PHC3: variants seen among roughly 807,000 people sequenced by gnomAD.
The protein encoded by PHC3 is polyhomeotic homolog 3.
In PHC3, 13 loss-of-function variants were observed where a neutral mutation model predicts 107.4. That is an observed-to-expected ratio of 0.12 (90% CI 0.08 to 0.19). The LOEUF (loss-of-function observed/expected upper bound fraction) is 0.19, where lower values mean the gene tolerates loss of function less well. PHC3 is among the 10% of genes least tolerant of loss of function. The pLI is 1.00. For synonymous variants in PHC3, 456 were observed against 427.4 expected (o/e 1.07, Z -0.83); for missense variants, 992 against 1,210.9 (o/e 0.82, Z 2.68).
rs550337706 is a variant in PHC3 at position 170,128,937 on chromosome 3, G to A, written c.1535C>T (p.Ala512Val). The A allele has an allele frequency of 2.9e-5, 47 of 1,614,012 alleles. No individual in the cohort carries two copies. The South Asian group carries it at 4.7e-4, about 16-fold the overall frequency. ...AGATGTCGACATCTGTGGAGGACTTGCAATTGGGATTGGAGAGGACTGCAG... is the reference window on the plus strand; with the variant it reads ...AGATGTCGACATCTGTGGAGGACTTACAATTGGGATTGGAGAGGACTGCAG... ...SSLQSSPIPI[A>V]SPPQMSTSPP... Residue 512 changes from alanine (A) to valine (V), a missense_variant, in exon 8 of 15, where the codon GCA becomes GTA. Transcript: ENST00000495893.
rs1714411780 is a variant in PHC3, at chr3:170,094,280, T to C, written c.*2950A>G. On this transcript the variant is annotated 3_prime_UTR_variant, in exon 15 of 15. Transcript: ENST00000495893. ...AATATTAATGTCATATAAAAAATAA[T>C]TTTTACAAATCAGCTCTCTTAGTTG... 1 of 152,204 alleles carries C rather than the reference T, an allele frequency of 6.6e-6. No homozygotes were observed. The highest frequency in any genetic ancestry group is 1.5e-5 in the Non-Finnish European group (1 of 68,026). 9.4% of individuals were successfully genotyped at this position (152,204 alleles called of 1,614,324 possible).
Position 170,106,834 on chromosome 3 carries a change from T to G in PHC3, c.2466A>C (p.Lys822Asn). The G allele has an allele frequency of 6.2e-7, 1 of 1,603,046 alleles. No homozygotes were observed. The highest frequency in any genetic ancestry group is 8.5e-7 in the Non-Finnish European group (1 of 1,176,128). ...GAAATTCAAGAGCACAGAAATACCT[T>G]TTGGCACATGACATAGTGCAGAATC... is the stretch of plus-strand genomic sequence containing the variant. ...SKRFCTMSCA[K>N]RYNVSCSKKF... is the part of the protein sequence containing the mutation. The change falls in exon 12 of 15, where the codon AAA becomes AAC. Residue 822 changes from lysine to asparagine, a missense_variant and splice_region_variant. Lys to Asn is a moderately conservative substitution (Grantham distance 94, BLOSUM62 0). Transcript: ENST00000495893.
chr3:170,158,564 C>T (rs1727278092), intron 4 of PHC3, among the ~76,000 whole-genome samples: 1 of 151,784 alleles, frequency 6.6e-6, no homozygotes, highest in African/African-American at 2.4e-5. Flanking sequence ...GACCACACCA[C>T]TGCACTCAAG....
At chr3:170,122,202 T>C (rs1021580095) in intron 9 of PHC3, among the ~76,000 whole-genome samples, 3 of 152,216 alleles carry the variant, frequency 2.0e-5, no homozygotes, top group Non-Finnish European at 4.4e-5. Flanking sequence ...TGAGCTATGA[T>C]TGAGCCTGGA....
intron 10 of PHC3, among the ~76,000 whole-genome samples, chr3:170,114,979 C>G (rs942778560): frequency 2.0e-5 from 3 of 152,128 alleles, no homozygotes; most frequent in Non-Finnish European, 4.4e-5. Flanking sequence ...ACATTCAATG[C>G]TAAGGGCATA....
In PHC3 at chr3:170,097,351, T is replaced by C. The variant is rs1560014056; in HGVS notation, c.2867A>G (p.Gln956Arg). ...GAGAAGGGCCTGTCCATCAATCTCC[T>C]GTGCTCTGAATTCATCTGCGATATC... ...CQDIADEFRA[Q>R]EIDGQALLLL... The change falls in exon 15 of 15, where the codon CAG becomes CGG. Residue 956 changes from glutamine (Q) to arginine (R), a missense_variant. Transcript: ENST00000495893. This position sits in a 1 kb window ranked among gnomAD's most constrained non-coding sequence, Gnocchi z 4.1. The C allele has an allele frequency of 6.2e-7, 1 of 1,613,464 alleles. No individual in the cohort carries two copies. The highest frequency in any genetic ancestry group is 1.7e-5 in the Admixed American group (1 of 59,986).
At chr3:170,151,089 T>C (rs888926763) in intron 4 of PHC3, among the ~76,000 whole-genome samples, 1 of 151,850 alleles carries the variant, frequency 6.6e-6, no homozygotes, top group Non-Finnish European at 1.5e-5. Context: ...CACGCGCCTG[T>C]AATCCCAGCT....
chr3:170,163,861 CAAAAAAAA>C (rs200514068), intron 4 of PHC3, among the ~76,000 whole-genome samples: 5 of 85,102 alleles, frequency 5.9e-5, no homozygotes, highest in African/African-American at 2.4e-4. Flanking sequence ...AGACTCTGTC[CAAAAAAAA>C]AAAAAAAAAA....
At chr3:170,101,277 A>G (rs954929238) in intron 14 of PHC3, among the ~76,000 whole-genome samples, 1 of 152,214 alleles carries the variant, frequency 6.6e-6, no homozygotes, top group African/African-American at 2.4e-5. Flanking sequence ...TAGCATTTCT[A>G]AAACAAGCTA....
At position 170,090,916 on chromosome 3, in the gene PHC3, C is replaced by T. The variant is rs1307426128; in HGVS notation, c.*6314G>A. 6.6e-6 allele frequency: 1 copy of T among 151,994 alleles called. No homozygotes were observed. Among genetic ancestry groups the T allele is most frequent in the African/African-American group, 2.4e-5 (1 of 41,360 alleles). 9.4% of individuals were successfully genotyped at this position (151,994 alleles called of 1,614,324 possible). On this transcript the variant is annotated 3_prime_UTR_variant, in exon 15 of 15. Coordinates refer to ENST00000495893, the MANE Select transcript of PHC3 (RefSeq NM_024947.4). ...ATTATTTACTGATTATTTAATACTA[C>T]CCAAAACAAAAAATACTTTTAAGAG...
chr3:170,146,488 A>AT (rs1724971271), intron 5 of PHC3, among the ~76,000 whole-genome samples: 2 of 150,728 alleles, frequency 1.3e-5, no homozygotes, highest in East Asian at 3.9e-4. Flanking sequence ...AAACAAAGAC[A>AT]TTTAATTTTT....
chr3:170,175,610 C>G (rs6765667), intron 2 of PHC3, among the ~76,000 whole-genome samples: 65,855 of 145,190 alleles, frequency 0.45, 14,903 homozygotes, highest in East Asian at 0.7. Context: ...CTAGGCAACA[C>G]AGAGGGAGAG....
intron 6 of PHC3, among the ~76,000 whole-genome samples, chr3:170,137,349 A>G (rs1254580712): frequency 2.6e-5 from 4 of 152,186 alleles, no homozygotes; most frequent in African/African-American, 9.7e-5. Flanking sequence ...ACATACTGCC[A>G]GTCTGGATGG....
At chr3:170,165,981 TAA>T (rs534346356) in intron 4 of PHC3, among the ~76,000 whole-genome samples, 11 of 108,526 alleles carry the variant, frequency 1.0e-4, no homozygotes, top group South Asian at 3.0e-4. Context: ...TAAAAGAAAT[TAA>T]AAAAAAAAAA....
intron 2 of PHC3, chr3:170,177,031 A>G: frequency 3.0e-6 from 1 of 329,138 alleles, no homozygotes; most frequent in Non-Finnish European, 6.2e-6. Flanking sequence ...CATAAATGTT[A>G]ACTAAGTAAA....
Position 170,091,857 on chromosome 3 carries a change from T to TAA in PHC3, c.*5371_*5372dup, listed in dbSNP as rs550689628. The TAA allele has an allele frequency of 6.6e-6, 1 of 152,216 alleles. No homozygotes were observed. Among genetic ancestry groups the TAA allele is most frequent in the East Asian group, 1.9e-4 (1 of 5,198 alleles). The allele number at this position is 152,216 out of a possible 1,614,324, so 9.4% of individuals were successfully genotyped here. The stretch of plus-strand genomic sequence containing the variant: ...TAATATGTAAAACTTTGAAAATTCT[T>TAA]AAAAATTTAGGAAATTCTTTTTCCA... On this transcript the variant is annotated 3_prime_UTR_variant, in exon 15 of 15. Coordinates refer to ENST00000495893, the MANE Select transcript of PHC3 (RefSeq NM_024947.4).
intron 9 of PHC3, among the ~76,000 whole-genome samples, chr3:170,121,357 A>G (rs1281752732): frequency 6.6e-6 from 1 of 152,200 alleles, no homozygotes; most frequent in Non-Finnish European, 1.5e-5. Flanking sequence ...AACAGTGAGC[A>G]GTGTGCCAAC....
chr3:170,111,622 G>A (rs1265389482), intron 11 of PHC3, among the ~76,000 whole-genome samples: 1 of 152,146 alleles, frequency 6.6e-6, no homozygotes, highest in East Asian at 1.9e-4. Flanking sequence ...AATTTTTCAA[G>A]GTTAACATTC....
At chr3:170,112,030 TG>T (rs1333496328) in intron 11 of PHC3, among the ~76,000 whole-genome samples, 1 of 152,312 alleles carries the variant, frequency 6.6e-6, no homozygotes, top group Admixed American at 6.5e-5. Context: ...CTCTATCACC[TG>T]AAGGGCCATG....
Sources: gnomAD v4.1 joint callset for allele counts (sites outside exome capture counted in the v4.1 genomes callset) on GRCh38, gnomAD v4.1.1 for gene constraint, Gnocchi (gnomAD v3.1) non-coding constraint, MANE v1.5 for transcripts, NCBI Gene and HGNC (gene_info 2026-07-23, HGNC 2026-07-21) for gene names.